Variants in MID2 observed in about 807,000 individuals in gnomAD.
MID2 encodes the protein probable E3 ubiquitin-protein ligase MID2.
In MID2, 13 loss-of-function variants were observed where a neutral mutation model predicts 46.1. The ratio of observed to expected loss-of-function variants is 0.28; its 90% CI spans 0.18 to 0.45. MID2 has a LOEUF of 0.45. MID2 is among the 20% of genes least tolerant of loss of function. The probability of loss-of-function intolerance (pLI) is 1.00; values close to 1 mark genes in which losing one functional copy is unlikely to be tolerated. For synonymous variants in MID2, 199 were observed against 212.3 expected (o/e 0.94, Z 0.55); for missense variants, 431 against 575.4 (o/e 0.75, Z 2.57).
At chrX:107,840,480 T>C (rs1462494654) in intron 1 of MID2, among the ~76,000 whole-genome samples, 190 bp from the exon 2 acceptor site, 2 of 112,499 alleles carry the variant, frequency 1.8e-5, no homozygotes, top group African/African-American at 6.5e-5. Flanking sequence ...AAAATAAACA[T>C]AGGCATTTGT....
At chrX:107,879,665 C>T (rs920539157) in intron 3 of MID2, among the ~76,000 whole-genome samples, 7 of 111,598 alleles carry the variant, frequency 6.3e-5, no homozygotes, top group Admixed American at 9.5e-5. Flanking sequence ...GAGGGTGGGA[C>T]GCTTGCCGGG....
At chrX:107,919,446 A>C (rs1336148956) in intron 7 of MID2, among the ~76,000 whole-genome samples, 1 of 111,666 alleles carries the variant, frequency 9.0e-6, no homozygotes, top group Non-Finnish European at 1.9e-5. Flanking sequence ...CCTAGTTCTG[A>C]ACTTTTGTGC....
intron 2 of MID2, among the ~76,000 whole-genome samples, chrX:107,849,758 A>G (rs994453888): frequency 2.7e-5 from 3 of 112,629 alleles, no homozygotes; most frequent in African/African-American, 9.7e-5. Flanking sequence ...CTGTTTAGAC[A>G]CATGTACAAT....
At chrX:107,890,034 G>T (rs1158787917) in intron 3 of MID2, among the ~76,000 whole-genome samples, 1 of 111,200 alleles carries the variant, frequency 9.0e-6, no homozygotes, top group East Asian at 2.8e-4. Context: ...TTTTTTTCAA[G>T]GTTTTTAACT....
intron 2 of MID2, among the ~76,000 whole-genome samples, chrX:107,845,261 T>C (rs1196298169): frequency 9.0e-6 from 1 of 111,122 alleles, no homozygotes. Context: ...TCTTTGAGAG[T>C]GATGTCTTCA....
intron 5 of MID2, among the ~76,000 whole-genome samples, chrX:107,910,024 ACT>A (rs763812806): frequency 5.1e-4 from 57 of 111,775 alleles, no homozygotes; most frequent in Non-Finnish European, 8.7e-4. Context: ...ATTGAGATTT[ACT>A]CTTTTAGCTA....
At chrX:107,850,448 C>T (rs1931588223) in intron 2 of MID2, among the ~76,000 whole-genome samples, 1 of 111,847 alleles carries the variant, frequency 8.9e-6, no homozygotes, top group Non-Finnish European at 1.9e-5. Flanking sequence ...GCTTTAATTC[C>T]TTGTAAATGA....
At chrX:107,863,186 G>A (rs1931894042) in intron 3 of MID2, among the ~76,000 whole-genome samples, 1 of 112,214 alleles carries the variant, frequency 8.9e-6, no homozygotes, top group Admixed American at 9.4e-5. Flanking sequence ...AAAATACTTT[G>A]TGACAATTCT....
rs1402146590 is a variant in MID2 at position 107,928,239 on chromosome X, T to A, written c.*1166T>A. Among the ~76,000 whole-genome samples, 3 of 111,741 alleles carry A rather than the reference T, an allele frequency of 2.7e-5. No homozygotes were observed. The highest frequency in any genetic ancestry group is 5.7e-5 in the Non-Finnish European group (3 of 53,091). On this transcript the variant is annotated 3_prime_UTR_variant, in exon 10 of 10. Coordinates refer to ENST00000262843, the MANE Select transcript of MID2 (RefSeq NM_012216.4). Reference sequence around the variant, plus strand: ...AAAACACTTCTGAAGTGCTCAAGAATGTCTGAAAACAGTTTGTTTTCTTAA... The same window carrying A: ...AAAACACTTCTGAAGTGCTCAAGAAAGTCTGAAAACAGTTTGTTTTCTTAA...
chrX:107,828,504 G>A (rs1244322778), intron 1 of MID2, among the ~76,000 whole-genome samples: 1 of 110,120 alleles, frequency 9.1e-6, no homozygotes, highest in African/African-American at 3.3e-5. Context: ...TAGAGATGGC[G>A]TTTTGCCATG....
rs200174235 is a variant in MID2 at position 107,845,441 on chromosome X, TG to T, written c.720+4057del. Among the ~76,000 whole-genome samples the T allele has an allele frequency of 2.8e-3, 304 of 109,508 alleles. 2 individuals carry two copies. Among genetic ancestry groups the T allele is most frequent in the African/African-American group, 9.9e-3 (295 of 29,934 alleles). On this transcript the variant is annotated intron_variant, in intron 2 of 9. Transcript: ENST00000262843. Reference sequence around the variant, plus strand: ...AGTTACATTTACATATCAGGGATCTTGTTATAAAATATTACCCAGCACTGGA... The same window carrying T: ...AGTTACATTTACATATCAGGGATCTTTTATAAAATATTACCCAGCACTGGA...
rs1343663623 is a variant in MID2, at chrX:107,927,022, C to T, written c.2157C>T (p.Asn719=). The change falls in exon 10 of 10, where the codon AAC becomes AAT. Residue 719 remains asparagine, a synonymous_variant. Coordinates refer to ENST00000262843, the MANE Select transcript of MID2 (RefSeq NM_012216.4). ...ATTACCCTGAGCGGCAGGAATGCAA[C>T]TGCAGGCCTCAAGAATCCCCTTATG... ...FIDYPERQEC[N]CRPQESPYVS... is the part of the protein sequence containing the mutation. The T allele has an allele frequency of 6.6e-6, 8 of 1,210,453 alleles. No individual in the cohort carries two copies. In the Admixed American group the frequency reaches 1.5e-4, roughly 23 times the overall value.
chrX:107,927,341 A>G lies in MID2; in HGVS notation c.*268A>G, dbSNP rs1319545556. ...GCCTCTGTTGTCATTGGAGAATTAA[A>G]AATTCCCAATGATTTAAGAATATAA... On this transcript the variant is annotated 3_prime_UTR_variant, in exon 10 of 10. Transcript: ENST00000262843. The G allele has an allele frequency of 7.6e-6, 2 of 262,313 alleles. No homozygotes were observed. Among genetic ancestry groups the G allele is most frequent in the Non-Finnish European group, 6.7e-6 (1 of 149,397 alleles). 21.6% of individuals were successfully genotyped at this position (262,313 alleles called of 1,213,427 possible).
chrX:107,828,310 CT>C lies in MID2; in HGVS notation c.4+1899del, dbSNP rs766362742. Among the ~76,000 whole-genome samples, 527 of 82,989 alleles carry C rather than the reference CT, an allele frequency of 6.4e-3. 2 individuals carry two copies. The highest frequency in any genetic ancestry group is 0.055 in the East Asian group (158 of 2,883). The allele number at this position is 82,989 out of a possible 115,157, so 72.1% of individuals were successfully genotyped here. ...TTCTTTTCTTTTCTTTCTTTCTTTT[CT>C]TTTTTTTTTTTTTTTTTTGAGACAG... On this transcript the variant is annotated intron_variant, in intron 1 of 9. Transcript: ENST00000262843.
At chrX:107,899,132 T>C (rs1932771516) in intron 3 of MID2, among the ~76,000 whole-genome samples, 2 of 105,837 alleles carry the variant, frequency 1.9e-5, no homozygotes, top group Admixed American at 2.0e-4. Flanking sequence ...AACCCAGGAA[T>C]AAAATAACTA....
intron 3 of MID2, among the ~76,000 whole-genome samples, chrX:107,882,975 G>C (rs1932357972): frequency 8.9e-6 from 1 of 111,972 alleles, no homozygotes; most frequent in Non-Finnish European, 1.9e-5. Context: ...TGATAGACTG[G>C]ATAAAGAAAA....
At chrX:107,898,723 A>G (rs1189797103) in intron 3 of MID2, among the ~76,000 whole-genome samples, 1 of 111,716 alleles carries the variant, frequency 9.0e-6, no homozygotes, top group Non-Finnish European at 1.9e-5. Flanking sequence ...GAGACACTCA[A>G]TAAATGTTTG....
chrX:107,855,643 C>T (rs1211136597), intron 3 of MID2, among the ~76,000 whole-genome samples: 1 of 112,275 alleles, frequency 8.9e-6, no homozygotes, highest in Admixed American at 9.4e-5. Flanking sequence ...GATCTCATCT[C>T]TTAATCCAAT....
chrX:107,916,400 T>G (rs1426179825), intron 6 of MID2, among the ~76,000 whole-genome samples: 1 of 112,234 alleles, frequency 8.9e-6, no homozygotes, highest in African/African-American at 3.2e-5. Flanking sequence ...TTTGTCCTTA[T>G]GAATCTAACA....
Sources: gnomAD v4.1 joint callset for allele counts (sites outside exome capture counted in the v4.1 genomes callset) on GRCh38, gnomAD v4.1.1 for gene constraint, MANE v1.5 for transcripts, NCBI Gene and HGNC (gene_info 2026-07-23, HGNC 2026-07-21) for gene names.